EPB41: variants seen among roughly 807,000 people sequenced by gnomAD.
The protein encoded by EPB41 is protein 4.1.
A neutral mutation model predicts 108.0 loss-of-function variants in EPB41; 65 were observed. The ratio of observed to expected loss-of-function variants is 0.60; its 90% CI spans 0.49 to 0.74. The LOEUF is 0.74. EPB41 is among the 30% of genes least tolerant of loss of function. The pLI, the probability that EPB41 is intolerant of heterozygous loss-of-function variation, is 0.00. For missense variants in EPB41, 875 were observed against 1,037.0 expected, an observed-to-expected ratio of 0.84 and a Z score of 2.15; for synonymous variants, 336 against 358.9, an observed-to-expected ratio of 0.94 and a Z score of 0.72.
In EPB41 at chr1:29,014,879, C is replaced by T. The variant is rs116953216; in HGVS notation, c.830-813C>T. Among the ~76,000 whole-genome samples, 112 of 152,314 alleles carry T rather than the reference C, an allele frequency of 7.4e-4. 1 individual carries two copies. In the East Asian group the frequency reaches 0.018, roughly 24 times the overall value. Reference sequence around the variant, plus strand: ...CTTAATTTTAGGCCAGGCACGATGGCTTATGCCTGTAATCCCAGCACTTTG... The same window carrying T: ...CTTAATTTTAGGCCAGGCACGATGGTTTATGCCTGTAATCCCAGCACTTTG... On this transcript the variant is annotated intron_variant, in intron 5 of 20. Transcript: ENST00000343067.
chr1:28,935,478 C>G (rs959921950), intron 1 of EPB41, among the ~76,000 whole-genome samples: 1 of 123,872 alleles, frequency 8.1e-6, no homozygotes, highest in Non-Finnish European at 1.8e-5. Context: ...CCCCCCCCCC[C>G]CCAAGATCTA....
At chr1:29,081,622 G>A (rs1218566797) in intron 16 of EPB41, among the ~76,000 whole-genome samples, 1 of 152,142 alleles carries the variant, frequency 6.6e-6, no homozygotes, top group Non-Finnish European at 1.5e-5. Context: ...GATCGCCTGA[G>A]GTCGGGAGTT....
At chr1:29,092,247 G>A (rs542307935) in intron 16 of EPB41, among the ~76,000 whole-genome samples, 90 of 152,004 alleles carry the variant, frequency 5.9e-4, no homozygotes, top group African/African-American at 1.7e-3. Context: ...ACAGGCATGC[G>A]CCACCACGCC....
chr1:29,067,314 G>A (rs1264670125), intron 16 of EPB41, among the ~76,000 whole-genome samples: 3 of 151,738 alleles, frequency 2.0e-5, no homozygotes, highest in Non-Finnish European at 2.9e-5. Context: ...TAGCTAACAC[G>A]GTGAAACCCC....
At position 28,995,941 on chromosome 1, in the gene EPB41, A is replaced by G. The variant is rs180924207; in HGVS notation, c.682-1274A>G. Reference sequence around the variant, plus strand: ...GAATGAACATTTATGTGAATTATTAATAGTCATTAAAAATAACTCATCTCA... The same window carrying G: ...GAATGAACATTTATGTGAATTATTAGTAGTCATTAAAAATAACTCATCTCA... On this transcript the variant is annotated intron_variant, in intron 3 of 20. Coordinates refer to ENST00000343067, the MANE Select transcript of EPB41 (RefSeq NM_001376013.1). Among the ~76,000 whole-genome samples the G allele has an allele frequency of 1.3e-3, 193 of 152,358 alleles. 1 individual carries two copies. Among genetic ancestry groups the G allele is most frequent in the African/African-American group, 4.0e-3 (168 of 41,588 alleles).
At chr1:28,909,999 A>T (rs1204005382), upstream of EPB41, among the ~76,000 whole-genome samples, 1 of 151,776 alleles carries the variant, frequency 6.6e-6, no homozygotes, top group Admixed American at 6.6e-5. Context: ...GGAGGATCAC[A>T]TCACTTGAGC....
chr1:28,958,351 A>G (rs936057117), intron 1 of EPB41, among the ~76,000 whole-genome samples: 6 of 151,952 alleles, frequency 3.9e-5, no homozygotes, highest in African/African-American at 7.3e-5. Context: ...GGGAGACTGA[A>G]GTGGGAGGAT....
At chr1:28,898,426 C>T (rs1461238510) in intron 1 of EPB41, among the ~76,000 whole-genome samples, 2 of 151,522 alleles carry the variant, frequency 1.3e-5, no homozygotes, top group Non-Finnish European at 2.9e-5. Context: ...CTCACATACC[C>T]TGTCTATCTC....
At chr1:28,982,579 A>G in intron 1 of EPB41, 1 of 1,505,710 alleles carries the variant, frequency 6.6e-7, no homozygotes, top group Non-Finnish European at 9.2e-7. Flanking sequence ...CAGGACAAGC[A>G]CCACCTTCCC....
intron 7 of EPB41, among the ~76,000 whole-genome samples, chr1:29,021,837 C>T (rs1005999273): frequency 6.6e-6 from 1 of 152,220 alleles, no homozygotes; most frequent in East Asian, 1.9e-4. Context: ...CCGCCTGGGC[C>T]TCCCAAAGTG....
intron 1 of EPB41, among the ~76,000 whole-genome samples, chr1:28,958,961 T>G (rs939196522): frequency 6.6e-6 from 1 of 151,968 alleles, no homozygotes; most frequent in African/African-American, 2.4e-5. Flanking sequence ...ATAAAATTCA[T>G]GGAAAACATG....
At chr1:29,067,453 G>A (rs1439696713) in intron 16 of EPB41, among the ~76,000 whole-genome samples, 8 of 142,080 alleles carry the variant, frequency 5.6e-5, no homozygotes, top group Non-Finnish European at 7.5e-5. Flanking sequence ...CCGAGATCGC[G>A]CCACTGCCCT....
rs1291663945 is a variant in EPB41 at position 29,018,444 on chromosome 1, TGA to T, written c.1124+3_1124+4del. On this transcript the variant is annotated splice_donor_region_variant and intron_variant, in intron 7 of 20. Coordinates refer to ENST00000343067, the MANE Select transcript of EPB41 (RefSeq NM_001376013.1). This position sits in a 1 kb window ranked among gnomAD's most constrained non-coding sequence, Gnocchi z 4.4. The stretch of plus-strand genomic sequence containing the variant: ...CATGGAACTGCATAAGTCATACAGG[TGA>T]ATATGTCTCCAGGGTTTGTTCGGTG... 1.9e-6 allele frequency: 3 copies of T among 1,613,326 alleles called. No individual in the cohort carries two copies. The African/African-American group carries it at 4.0e-5, about 22-fold the overall frequency.
intron 1 of EPB41, 32 bp from the exon 2 acceptor site, chr1:28,987,399 A>T (rs1464830640): frequency 6.3e-7 from 1 of 1,599,738 alleles, no homozygotes; most frequent in Admixed American, 1.7e-5. Flanking sequence ...TTTGCTTATA[A>T]GAGCCCCCCT....
chr1:28,887,773 C>T lies in EPB41; in HGVS notation c.-8+563C>T, dbSNP rs910745436. 9 of 810,040 alleles carry T rather than the reference C, an allele frequency of 1.1e-5. No individual in the cohort carries two copies. Among genetic ancestry groups the T allele is most frequent in the Non-Finnish European group, 1.2e-5 (8 of 669,492 alleles). The allele number at this position is 810,040 out of a possible 1,614,324, so 50.2% of individuals were successfully genotyped here. On this transcript the variant is annotated intron_variant, in intron 1 of 16. Transcript: ENST00000347529. The surrounding 1 kb of genome is among the most constrained non-coding windows in gnomAD (Gnocchi z 4.9). ...CGCCGGCTGTGCCCGCCAGGGTGGCCCCCCCGGCCGTCGCGCCAGCCCCAC... is the reference window on the plus strand; with the variant it reads ...CGCCGGCTGTGCCCGCCAGGGTGGCTCCCCCGGCCGTCGCGCCAGCCCCAC...
intron 16 of EPB41, chr1:29,068,873 G>A (rs1649807260): frequency 2.9e-6 from 3 of 1,039,700 alleles, no homozygotes; most frequent in Non-Finnish European, 3.7e-6. Context: ...CTGAACAACA[G>A]CTGCTGAATA....
chr1:29,019,237 A>G (rs2096613635), intron 7 of EPB41, among the ~76,000 whole-genome samples: 1 of 152,120 alleles, frequency 6.6e-6, no homozygotes, highest in South Asian at 2.1e-4. Context: ...GCAACATAGC[A>G]AGACCTCATC....
At position 29,015,678 on chromosome 1, in the gene EPB41, G is replaced by GT. The variant is rs369165636; in HGVS notation, c.830-11dup. On this transcript the variant is annotated splice_polypyrimidine_tract_variant and intron_variant, in intron 5 of 20. Transcript: ENST00000343067. Reference sequence around the variant, plus strand: ...AGGTATAAACGTAAAATTCTTTTGTGTTTATTTTTATAGGTGTCCCTTGGA... The same window carrying GT: ...AGGTATAAACGTAAAATTCTTTTGTGTTTTATTTTTATAGGTGTCCCTTGGA... 3.2e-6 allele frequency: 5 copies of GT among 1,564,222 alleles called. No individual in the cohort carries two copies. In the African/African-American group the frequency reaches 5.4e-5, roughly 17 times the overall value.
intron 2 of EPB41, among the ~76,000 whole-genome samples, chr1:28,991,702 CAAA>C (rs59227691): frequency 5.7e-4 from 56 of 98,494 alleles, no homozygotes; most frequent in Non-Finnish European, 1.1e-3. Flanking sequence ...ACTCTTGTCT[CAAA>C]AAAAAAAAAA....
Sources: allele counts gnomAD v4.1 joint callset (sites outside exome capture counted in the v4.1 genomes callset), GRCh38; gene constraint gnomAD v4.1.1; non-coding constraint Gnocchi (gnomAD v3.1); transcripts MANE v1.5; gene names NCBI Gene and HGNC (gene_info 2026-07-23, HGNC 2026-07-21).